RIMBP2: variants seen among roughly 807,000 people sequenced by gnomAD.
The protein encoded by RIMBP2 is RIMS binding protein 2.
A neutral mutation model predicts 118.6 loss-of-function variants in RIMBP2; 48 were observed. That is an observed-to-expected ratio of 0.40 (90% CI 0.32 to 0.51). The LOEUF (loss-of-function observed/expected upper bound fraction) is 0.51. Ranked by LOEUF, RIMBP2 falls within the 20% of genes least tolerant of loss-of-function variation. The probability of loss-of-function intolerance (pLI) is 0.41; values close to 1 mark genes in which losing one functional copy is unlikely to be tolerated. For missense variants in RIMBP2, 1,551 were observed against 1,768.3 expected, an observed-to-expected ratio of 0.88 and a Z score of 2.20; for synonymous variants, 762 against 742.9, an observed-to-expected ratio of 1.03 and a Z score of -0.42.
intron 1 of RIMBP2, among the ~76,000 whole-genome samples, chr12:130,669,460 C>A (rs185512821): frequency 6.6e-6 from 1 of 152,210 alleles, no homozygotes; most frequent in East Asian, 1.9e-4. Flanking sequence ...CACCACGGGG[C>A]GGTTTCCCCG....
intron 6 of RIMBP2, among the ~76,000 whole-genome samples, chr12:130,460,412 G>A (rs1282919243): frequency 6.6e-6 from 1 of 152,196 alleles, no homozygotes; most frequent in Non-Finnish European, 1.5e-5. Flanking sequence ...ATCACCTGCA[G>A]TAGTAGAAGT....
chr12:130,398,328 T>C (rs1049700847), intron 22 of RIMBP2: 1 of 152,354 alleles, frequency 6.6e-6, no homozygotes, highest in African/African-American at 2.4e-5. Flanking sequence ...AGAGCAACTC[T>C]TGCCATGTGA....
chr12:130,510,484 T>C (rs1225571007), intron 3 of RIMBP2, among the ~76,000 whole-genome samples: 1 of 152,160 alleles, frequency 6.6e-6, no homozygotes, highest in Non-Finnish European at 1.5e-5. Flanking sequence ...TTTCTTTTTT[T>C]TTGAGATGGA....
At chr12:130,486,548 G>A (rs531485170) in intron 4 of RIMBP2, among the ~76,000 whole-genome samples, 9 of 144,594 alleles carry the variant, frequency 6.2e-5, no homozygotes, top group African/African-American at 2.1e-4. Context: ...TAGCCTGTCC[G>A]AAATAGAATT....
At chr12:130,715,755 T>TC (rs11388548) in intron 1 of RIMBP2, among the ~76,000 whole-genome samples, 88,254 of 133,662 alleles carry the variant, frequency 0.66, 26,270 homozygotes, top group South Asian at 0.7. Flanking sequence ...CACGTCCCCT[T>TC]CCCCCCCTCC....
intron 17 of RIMBP2, among the ~76,000 whole-genome samples, chr12:130,418,599 C>T (rs2076237334): frequency 6.6e-6 from 1 of 152,154 alleles, no homozygotes; most frequent in Admixed American, 6.5e-5. Flanking sequence ...CACCATTTTC[C>T]AAGCAAGTTC....
At position 130,569,892 on chromosome 12, in the gene RIMBP2, G is replaced by A. The variant is rs563238895; in HGVS notation, c.-216-51975C>T. 5.3e-4 allele frequency among the ~76,000 whole-genome samples: 81 copies of A among 152,068 alleles called. No individual in the cohort carries two copies. In the South Asian group the frequency reaches 0.014, roughly 27 times the overall value. On this transcript the variant is annotated intron_variant, in intron 2 of 22. Transcript: ENST00000690449. ...TATATGGCCTGATACAACATGACAC[G>A]GCCAATTATTTGCATTTAAAAGGCA...
intron 2 of RIMBP2, among the ~76,000 whole-genome samples, chr12:130,527,741 T>C (rs1036570379): frequency 8.1e-6 from 1 of 123,076 alleles, no homozygotes; most frequent in Non-Finnish European, 1.7e-5. Flanking sequence ...TAAACAGACT[T>C]ACAAGAGAAA....
chr12:130,582,810 C>T lies in RIMBP2; in HGVS notation c.-217+45512G>A, dbSNP rs530441764. Among the ~76,000 whole-genome samples the T allele has an allele frequency of 9.2e-5, 14 of 152,324 alleles. No homozygotes were observed. The South Asian group carries it at 2.9e-3, about 32-fold the overall frequency. On this transcript the variant is annotated intron_variant, in intron 2 of 22. Transcript: ENST00000690449. ...CTGGGCTCTGACCTAGACTCCAAGT[C>T]TCCCGAGAGCAGGGCATTTGTCTAG... is the stretch of plus-strand genomic sequence containing the variant.
At chr12:130,496,151 T>A (rs1418662294) in intron 4 of RIMBP2, among the ~76,000 whole-genome samples, 2 of 152,180 alleles carry the variant, frequency 1.3e-5, no homozygotes, top group Non-Finnish European at 2.9e-5. Flanking sequence ...AATTCCCATG[T>A]CTTGTGGGAG....
At chr12:130,482,566 CAGG>C (rs1253505621) in intron 4 of RIMBP2, among the ~76,000 whole-genome samples, 2 of 152,258 alleles carry the variant, frequency 1.3e-5, no homozygotes, top group Non-Finnish European at 2.9e-5. Flanking sequence ...CAGATTCCAC[CAGG>C]AGAACTCGCT....
rs1005148542 is a variant in RIMBP2, at chr12:130,525,982, A to AC, written c.-216-8066dup. Reference sequence around the variant, plus strand: ...GGGCTGTGCAGCTGTCAGGTTTGAGACCCCCTCCTCCCTGCCCCAATTTGC... The same window carrying AC: ...GGGCTGTGCAGCTGTCAGGTTTGAGACCCCCCTCCTCCCTGCCCCAATTTGC... On this transcript the variant is annotated intron_variant, in intron 2 of 22. Transcript: ENST00000690449. This position sits in a 1 kb window ranked among gnomAD's most constrained non-coding sequence, Gnocchi z 4.4. Among the ~76,000 whole-genome samples the AC allele has an allele frequency of 6.6e-6, 1 of 150,716 alleles. No homozygotes were observed. The highest frequency in any genetic ancestry group is 1.5e-5 in the Non-Finnish European group (1 of 67,722).
At chr12:130,445,861 T>C (rs1424254854) in intron 9 of RIMBP2, among the ~76,000 whole-genome samples, 1 of 152,204 alleles carries the variant, frequency 6.6e-6, no homozygotes, top group Non-Finnish European at 1.5e-5. Context: ...TAGTATTGCA[T>C]TATATATTCT....
At chr12:130,692,080 C>T (rs937486752) in intron 1 of RIMBP2, among the ~76,000 whole-genome samples, 1 of 152,152 alleles carries the variant, frequency 6.6e-6, no homozygotes, top group Non-Finnish European at 1.5e-5. Flanking sequence ...TTGGAGAGGG[C>T]GTCTGCAGAG....
At chr12:130,680,410 G>A (rs1351804810) in intron 1 of RIMBP2, among the ~76,000 whole-genome samples, 1 of 152,116 alleles carries the variant, frequency 6.6e-6, no homozygotes, top group Non-Finnish European at 1.5e-5. Context: ...GCACACAGAT[G>A]GTGTCATGTT....
In RIMBP2 at chr12:130,472,124, G is replaced by A. The variant is rs573624949; in HGVS notation, c.103-1381C>T. 17 of 152,292 alleles carry A rather than the reference G, an allele frequency of 1.1e-4. 1 individual carries two copies. In the South Asian group the frequency reaches 1.2e-3, roughly 11 times the overall value. The allele number at this position is 152,292 out of a possible 1,614,324, so 9.4% of individuals were successfully genotyped here. On this transcript the variant is annotated intron_variant, in intron 5 of 22. Transcript: ENST00000690449. ...AGAGCAGCCAAGTCCTGGTGATGTC[G>A]GGGAGGCCTTGGATTCTACTGGGTC...
chr12:130,626,440 C>T (rs1370976442), intron 2 of RIMBP2, among the ~76,000 whole-genome samples: 1 of 150,624 alleles, frequency 6.6e-6, no homozygotes, highest in Non-Finnish European at 1.5e-5. Flanking sequence ...ATGACTACCA[C>T]TGGCATCACC....
intron 2 of RIMBP2, among the ~76,000 whole-genome samples, chr12:130,549,824 C>T (rs59223767): frequency 0.017 from 2,612 of 152,188 alleles, 59 homozygotes; most frequent in African/African-American, 0.057. Flanking sequence ...AACATTCATG[C>T]GCATGTGTCT....
chr12:130,611,461 C>G (rs531160053), intron 2 of RIMBP2, among the ~76,000 whole-genome samples: 170 of 152,336 alleles, frequency 1.1e-3, no homozygotes, highest in African/African-American at 3.9e-3. Flanking sequence ...TTCATTTACC[C>G]GCATCTCTGC....
Sources: allele counts gnomAD v4.1 joint callset (sites outside exome capture counted in the v4.1 genomes callset), GRCh38; gene constraint gnomAD v4.1.1; non-coding constraint Gnocchi (gnomAD v3.1); transcripts MANE v1.5; gene names NCBI Gene and HGNC (gene_info 2026-07-23, HGNC 2026-07-21).